ANO9: variants seen among roughly 807,000 people sequenced by gnomAD.
ANO9 encodes anoctamin-9.
Under a neutral mutation model 100.5 loss-of-function variants are expected in ANO9, and 80 were observed. The observed-to-expected ratio is 0.80, with a 90% confidence interval of 0.66 to 0.96. The LOEUF is 0.96. Ranked by LOEUF, ANO9 falls within the 40% of genes least tolerant of loss-of-function variation. ANO9 has a pLI of 0.00. For missense variants in ANO9, 1,064 were observed against 1,072.7 expected, an observed-to-expected ratio of 0.99 and a Z score of 0.11; for synonymous variants, 473 against 435.6, an observed-to-expected ratio of 1.09 and a Z score of -1.07.
chr11:435,522 T>C (rs1445456278), intron 1 of ANO9, among the ~76,000 whole-genome samples: 427 of 147,918 alleles, frequency 2.9e-3, no homozygotes, highest in African/African-American at 0.01. Flanking sequence ...TAGTCTAGTA[T>C]GGTCTAGTCT....
chr11:427,781 G>C (rs549691101), intron 15 of ANO9, among the ~76,000 whole-genome samples: 6 of 151,724 alleles, frequency 4.0e-5, no homozygotes, highest in Middle Eastern at 3.4e-3. Flanking sequence ...AAGACACCAA[G>C]TGCATTTTCA....
chr11:426,446 G>A (rs1461946695), intron 15 of ANO9, among the ~76,000 whole-genome samples: 1 of 151,972 alleles, frequency 6.6e-6, no homozygotes, highest in Non-Finnish European at 1.5e-5. Context: ...GGTGGCACAT[G>A]CCTGTAGTCC....
chr11:437,468 G>A (rs1356313010), intron 1 of ANO9, among the ~76,000 whole-genome samples: 4 of 151,924 alleles, frequency 2.6e-5, no homozygotes, highest in African/African-American at 4.8e-5. Flanking sequence ...TCCTAGACCA[G>A]TAGTTCTTCC....
chr11:419,183 T>G, intron 20 of ANO9, 194 bp from the exon 21 acceptor site: 8 of 1,433,960 alleles, frequency 5.6e-6, no homozygotes, highest in Non-Finnish European at 7.3e-6. Context: ...CTGTGGGGAC[T>G]CTGGGCATCA....
At chr11:441,731 C>G (rs1210537231) in intron 1 of ANO9, among the ~76,000 whole-genome samples, 190 bp downstream of exon 1, 1 of 152,140 alleles carries the variant, frequency 6.6e-6, no homozygotes, top group East Asian at 1.9e-4. Flanking sequence ...CCAGCGTGCC[C>G]CAGGAGTCCA....
chr11:435,688 AGTCT>A (rs1221325025), intron 1 of ANO9, among the ~76,000 whole-genome samples: 9 of 26,462 alleles, frequency 3.4e-4, no homozygotes. Flanking sequence ...AGTATGGTCT[AGTCT>A]AGTCTAGTCT....
intron 1 of ANO9, among the ~76,000 whole-genome samples, chr11:439,750 G>A (rs1382905814): frequency 2.6e-5 from 4 of 152,146 alleles, no homozygotes; most frequent in Non-Finnish European, 5.9e-5. Flanking sequence ...ACAGCGTCTC[G>A]CCTCTGCCCA....
At position 418,423 on chromosome 11, in the gene ANO9, G is replaced by A. The variant is rs139070762; in HGVS notation, c.2297C>T (p.Pro766Leu). Residue 766 changes from proline (P) to leucine (L), a missense_variant, in exon 23 of 23, where the codon CCT (proline) becomes CTT (leucine). By Grantham distance (98) the Pro-to-Leu change is moderately conservative. Coordinates refer to ENST00000332826, the MANE Select transcript of ANO9 (RefSeq NM_001012302.3). Reference protein sequence around the residue: ...GVGAGSRPPMPAHPTPASIFS... With the variant: ...GVGAGSRPPMLAHPTPASIFS... ...GATGGATGCTGGGGTGGGATGGGCA[G>A]GCATTGGGGGCCGAGAGCCTGCCCC... is the stretch of plus-strand genomic sequence containing the variant. The A allele has an allele frequency of 1.5e-4, 243 of 1,612,530 alleles. No individual in the cohort carries two copies. Among genetic ancestry groups the A allele is most frequent in the Middle Eastern group, 8.3e-4 (5 of 6,058 alleles).
intron 15 of ANO9, among the ~76,000 whole-genome samples, chr11:424,365 A>C (rs926289686): frequency 1.3e-4 from 20 of 152,210 alleles, no homozygotes; most frequent in African/African-American, 4.6e-4. Flanking sequence ...TAAGCTCTAG[A>C]GCCAGACTTT....
intron 19 of ANO9, 124 bp downstream of exon 19, chr11:420,339 G>C: frequency 6.7e-7 from 1 of 1,489,870 alleles, no homozygotes; most frequent in Non-Finnish European, 8.9e-7. Context: ...GAGAAGGGCT[G>C]GGGGCTGTCT....
rs911741033 is a variant in ANO9 at position 417,990 on chromosome 11, G to A, written c.*381C>T. On this transcript the variant is annotated 3_prime_UTR_variant, in exon 23 of 23. Transcript: ENST00000332826. The surrounding 1 kb of genome is among the most constrained non-coding windows in gnomAD (Gnocchi z 4.2). ...GGTTGGCTGAAGGGAACAGGCCAGC[G>A]AGGTGGGCTCAGGACACCCCCAACA... 3 of 243,814 alleles carry A rather than the reference G, an allele frequency of 1.2e-5. No individual in the cohort carries two copies. The highest frequency in any genetic ancestry group is 9.6e-5 in the East Asian group (1 of 10,416). 15.1% of individuals were successfully genotyped at this position (243,814 alleles called of 1,614,324 possible).
chr11:420,686 C>T (rs763948617), intron 18 of ANO9, 32 bp downstream of exon 18: 6 of 1,602,120 alleles, frequency 3.7e-6, no homozygotes, highest in Admixed American at 1.7e-5. Context: ...GCATTCGTCT[C>T]CGCGAACCCC....
At chr11:420,921 G>A in intron 17 of ANO9, 24 bp downstream of exon 17, 4 of 1,599,094 alleles carry the variant, frequency 2.5e-6, no homozygotes, top group South Asian at 1.1e-5. Flanking sequence ...GGGCTCCCGG[G>A]GCTGGGCGGG....
chr11:436,012 G>T (rs1016566426), intron 1 of ANO9, among the ~76,000 whole-genome samples: 2 of 145,994 alleles, frequency 1.4e-5, no homozygotes, highest in African/African-American at 2.5e-5. Flanking sequence ...ATGTGACATT[G>T]TGACATTCAG....
chr11:428,876 G>A (rs371363952), intron 11 of ANO9, 50 bp from the exon 12 acceptor site: 27 of 1,555,150 alleles, frequency 1.7e-5, no homozygotes, highest in African/African-American at 4.1e-5. Flanking sequence ...CACCCCACAT[G>A]TGGGGAGACA....
At chr11:420,213 G>A in intron 19 of ANO9, 1 of 1,410,236 alleles carries the variant, frequency 7.1e-7, no homozygotes, top group Non-Finnish European at 9.2e-7. Flanking sequence ...GTCCCCCTTG[G>A]GGGCGTCAAG....
Position 420,955 on chromosome 11 carries a change from ACTCGACGCAGTTG to A in ANO9, c.1467_1479del (p.Asn490ThrfsTer6). 6.2e-7 allele frequency: 1 copy of A among 1,604,762 alleles called. No homozygotes were observed. Among genetic ancestry groups the A allele is most frequent in the South Asian group, 1.1e-5 (1 of 90,832 alleles). On this transcript the variant is annotated frameshift_variant, in exon 17 of 23. Coordinates refer to ENST00000332826, the MANE Select transcript of ANO9 (RefSeq NM_001012302.3). LOFTEE classifies it high-confidence loss of function. ...GGGGTCGGCACTCACGGGACCAGGTACTCGACGCAGTTGCTGAGCGTCTGCTTCAGGCCCATGA... is the reference window on the plus strand; with the variant it reads ...GGGGTCGGCACTCACGGGACCAGGTACTGAGCGTCTGCTTCAGGCCCATGA...
Position 421,330 on chromosome 11 carries a change from G to T in ANO9, c.1335-132C>A. 1 of 926,262 alleles carries T rather than the reference G, an allele frequency of 1.1e-6. No individual in the cohort carries two copies. The highest frequency in any genetic ancestry group is 1.6e-6 in the Non-Finnish European group (1 of 644,376). The allele number at this position is 926,262 out of a possible 1,614,324, so 57.4% of individuals were successfully genotyped here. On this transcript the variant is annotated intron_variant, in intron 15 of 22. Coordinates refer to ENST00000332826, the MANE Select transcript of ANO9 (RefSeq NM_001012302.3). The surrounding 1 kb of genome is among the most constrained non-coding windows in gnomAD (Gnocchi z 6.8). ...AGGCCCTGCAGGTGAGCGGGGCACA[G>T]GTGCTCACACCCAGATGAACCGCAC...
chr11:419,118 G>T, intron 20 of ANO9, 129 bp from the exon 21 acceptor site: 1 of 1,507,390 alleles, frequency 6.6e-7, no homozygotes, highest in Non-Finnish European at 8.8e-7. Context: ...ACTGCGTCCA[G>T]TGGGACGGGG....
Sources: gnomAD v4.1 joint callset for allele counts (sites outside exome capture counted in the v4.1 genomes callset) on GRCh38, gnomAD v4.1.1 for gene constraint, Gnocchi (gnomAD v3.1) non-coding constraint, MANE v1.5 for transcripts, NCBI Gene and HGNC (gene_info 2026-07-23, HGNC 2026-07-21) for gene names.